PARD3B: variants seen among roughly 807,000 people sequenced by gnomAD.
The protein encoded by PARD3B is partitioning defective 3 homolog B.
A neutral mutation model predicts 130.2 loss-of-function variants in PARD3B; 103 were observed. That is an observed-to-expected ratio of 0.79 (90% CI 0.67 to 0.93). The LOEUF is 0.93. PARD3B is among the 40% of genes least tolerant of loss of function. The pLI is 0.00. For missense variants in PARD3B, 1,609 were observed against 1,499.2 expected, an observed-to-expected ratio of 1.07 and a Z score of -1.21; for synonymous variants, 583 against 553.2, an observed-to-expected ratio of 1.05 and a Z score of -0.76.
At chr2:205,467,200 A>G (rs2048658124) in intron 20 of PARD3B, among the ~76,000 whole-genome samples, 1 of 152,212 alleles carries the variant, frequency 6.6e-6, no homozygotes, top group Admixed American at 6.5e-5. Context: ...AAAAGTTGTC[A>G]CCACAAGAGC....
At chr2:204,724,581 C>T (rs10432518) in intron 2 of PARD3B, among the ~76,000 whole-genome samples, 3,199 of 152,172 alleles carry the variant, frequency 0.021, 103 homozygotes, top group East Asian at 0.13. Context: ...TCCAGGAATT[C>T]CCTCTGATTA....
At chr2:204,860,773 A>G (rs550574898) in intron 2 of PARD3B, among the ~76,000 whole-genome samples, 1 of 152,258 alleles carries the variant, frequency 6.6e-6, no homozygotes, top group Non-Finnish European at 1.5e-5. Context: ...TACTGAAAAG[A>G]TATCTCTTTG....
In PARD3B at chr2:205,287,245, A is replaced by G. The variant is rs2041431179; in HGVS notation, c.2186-13285A>G. On this transcript the variant is annotated intron_variant, in intron 16 of 22. Transcript: ENST00000406610. The surrounding 1 kb of genome is among the most constrained non-coding windows in gnomAD (Gnocchi z 4.8). The stretch of plus-strand genomic sequence containing the variant: ...GATTGGAGAATAGAATATGAAGTCA[A>G]GACTGTGAGTTACAATGGAAAGAAA... Among the ~76,000 whole-genome samples the G allele has an allele frequency of 6.6e-6, 1 of 152,262 alleles. No homozygotes were observed. The highest frequency in any genetic ancestry group is 2.1e-4 in the South Asian group (1 of 4,838).
rs773160828 is a variant in PARD3B, at chr2:205,615,457, G to C, written c.3262G>C (p.Gly1088Arg). 1 of 1,588,654 alleles carries C rather than the reference G, an allele frequency of 6.3e-7. No individual in the cohort carries two copies. Among genetic ancestry groups the C allele is most frequent in the South Asian group, 1.2e-5 (1 of 86,830 alleles). ...MERQYASLPR[G>R]GPADPVDYLP... ...ATGTGTCTCTTCTTCTCTTTCCAGG[G>C]GAGGACCCGCAGATCCTGTAGACTA... The change falls in exon 23 of 23, where the codon GGA (glycine) becomes CGA (arginine). Residue 1088 changes from glycine to arginine, a missense_variant and splice_region_variant. Physicochemically the swap from Gly to Arg is moderately radical, Grantham distance 125. Transcript: ENST00000406610.
At chr2:204,994,175 G>A (rs1428892203) in intron 3 of PARD3B, among the ~76,000 whole-genome samples, 5 of 138,370 alleles carry the variant, frequency 3.6e-5, no homozygotes, top group African/African-American at 1.1e-4. Context: ...TGATGTTAGG[G>A]TGTCAATTTT....
At chr2:205,541,105 T>G (rs2052106189) in intron 21 of PARD3B, among the ~76,000 whole-genome samples, 1 of 152,138 alleles carries the variant, frequency 6.6e-6, no homozygotes, top group African/African-American at 2.4e-5. Context: ...TTACCCATGC[T>G]GGTAGAGGAA....
At position 205,592,333 on chromosome 2, in the gene PARD3B, C is replaced by T. The variant is rs960366176; in HGVS notation, c.3261-23123C>T. Among the ~76,000 whole-genome samples, 21 of 152,150 alleles carry T rather than the reference C, an allele frequency of 1.4e-4. No individual in the cohort carries two copies. Among genetic ancestry groups the T allele is most frequent in the Non-Finnish European group, 5.9e-5 (4 of 68,042 alleles). On this transcript the variant is annotated intron_variant, in intron 22 of 22. Coordinates refer to ENST00000406610, the MANE Select transcript of PARD3B (RefSeq NM_001302769.2). The surrounding 1 kb of genome is among the most constrained non-coding windows in gnomAD (Gnocchi z 4.5). Reference sequence around the variant, plus strand: ...GGTCATTAGGCAACAAGCAAGATGCCAGTCACTGGGAGAGAAAGGGATGAG... The same window carrying T: ...GGTCATTAGGCAACAAGCAAGATGCTAGTCACTGGGAGAGAAAGGGATGAG...
intron 1 of PARD3B, among the ~76,000 whole-genome samples, chr2:204,572,832 A>G (rs982147172): frequency 6.6e-6 from 1 of 152,212 alleles, no homozygotes; most frequent in African/African-American, 2.4e-5. Flanking sequence ...GATACTATGT[A>G]GTTCCTACCC....
intron 18 of PARD3B, among the ~76,000 whole-genome samples, chr2:205,315,901 A>C (rs1428932377): frequency 3.3e-5 from 5 of 152,040 alleles, no homozygotes; most frequent in Admixed American, 3.3e-4. Flanking sequence ...TTACAGTCTG[A>C]GTTTTTCCAT....
intron 11 of PARD3B, among the ~76,000 whole-genome samples, chr2:205,169,128 GC>G (rs2035002699): frequency 6.6e-6 from 1 of 152,172 alleles, no homozygotes; most frequent in Admixed American, 6.5e-5. Flanking sequence ...ACAACATGGT[GC>G]TTACTGGCAT....
At chr2:204,563,679 A>G (rs1395786710) in intron 1 of PARD3B, among the ~76,000 whole-genome samples, 1 of 152,182 alleles carries the variant, frequency 6.6e-6, no homozygotes, top group African/African-American at 2.4e-5. Flanking sequence ...ACATTTTGGT[A>G]TCTGCTTCCT....
chr2:205,514,521 A>C (rs1220288368), intron 21 of PARD3B, among the ~76,000 whole-genome samples: 1 of 152,120 alleles, frequency 6.6e-6, no homozygotes, highest in African/African-American at 2.4e-5. Flanking sequence ...AATAAATCTT[A>C]TCTGAAACAC....
chr2:204,954,454 G>T (rs1046843009), intron 2 of PARD3B, among the ~76,000 whole-genome samples: 1 of 152,176 alleles, frequency 6.6e-6, no homozygotes. Flanking sequence ...GTCAATCAGC[G>T]GGAGCTCAGG....
At chr2:204,735,389 C>T (rs1002257886) in intron 2 of PARD3B, among the ~76,000 whole-genome samples, 1 of 152,010 alleles carries the variant, frequency 6.6e-6, no homozygotes, top group Non-Finnish European at 1.5e-5. Context: ...CTAAACCAAA[C>T]TAAAACCCTA....
At chr2:204,939,674 T>C (rs895192096) in intron 2 of PARD3B, among the ~76,000 whole-genome samples, 19 of 152,304 alleles carry the variant, frequency 1.2e-4, no homozygotes, top group African/African-American at 4.6e-4. Flanking sequence ...GCAAAGTATA[T>C]CAAATTCAAC....
chr2:204,964,370 C>A (rs761825368), intron 2 of PARD3B, among the ~76,000 whole-genome samples: 2 of 152,174 alleles, frequency 1.3e-5, no homozygotes, highest in Admixed American at 6.6e-5. Flanking sequence ...TTTAAAGATA[C>A]CTTGCCCTTA....
chr2:205,493,301 A>G (rs1320479405), intron 20 of PARD3B, among the ~76,000 whole-genome samples: 1 of 152,170 alleles, frequency 6.6e-6, no homozygotes, highest in Admixed American at 6.5e-5. Context: ...TTAGCTTCTT[A>G]CATGCCAAAA....
At chr2:205,215,594 A>G (rs961950076) in intron 15 of PARD3B, among the ~76,000 whole-genome samples, 2 of 152,138 alleles carry the variant, frequency 1.3e-5, no homozygotes, top group African/African-American at 4.8e-5. Flanking sequence ...CTCACAAGTA[A>G]TTAAGAAAAT....
At chr2:204,918,423 G>A (rs577650107) in intron 2 of PARD3B, among the ~76,000 whole-genome samples, 1 of 152,076 alleles carries the variant, frequency 6.6e-6, no homozygotes, top group African/African-American at 2.4e-5. Flanking sequence ...GAGGTCAGGA[G>A]ATCGAGACCA....
Sources: gnomAD v4.1 joint callset for allele counts (sites outside exome capture counted in the v4.1 genomes callset) on GRCh38, gnomAD v4.1.1 for gene constraint, Gnocchi (gnomAD v3.1) non-coding constraint, MANE v1.5 for transcripts, NCBI Gene and HGNC (gene_info 2026-07-23, HGNC 2026-07-21) for gene names.